ELMO1: variants seen among roughly 807,000 people sequenced by gnomAD.
ELMO1 encodes engulfment and cell motility protein 1.
Under a neutral mutation model 98.9 loss-of-function variants are expected in ELMO1, and 26 were observed. That is an observed-to-expected ratio of 0.26 (90% CI 0.19 to 0.36). The LOEUF is 0.36. ELMO1 is among the 10% of genes least tolerant of loss of function. The probability of loss-of-function intolerance (pLI) is 1.00; values close to 1 mark genes in which losing one functional copy is unlikely to be tolerated. For missense variants in ELMO1, 627 were observed against 935.2 expected, an observed-to-expected ratio of 0.67 and a Z score of 4.30; for synonymous variants, 346 against 346.0, an observed-to-expected ratio of 1.00 and a Z score of 0.00.
intron 16 of ELMO1, among the ~76,000 whole-genome samples, chr7:36,952,223 C>A (rs147656787): frequency 6.0e-4 from 91 of 152,282 alleles, no homozygotes; most frequent in Non-Finnish European, 9.0e-4. Context: ...TCCAGAGGAT[C>A]CAGGCAGATT....
intron 16 of ELMO1, among the ~76,000 whole-genome samples, chr7:36,949,613 T>A (rs1218348088): frequency 6.6e-6 from 1 of 152,126 alleles, no homozygotes; most frequent in East Asian, 1.9e-4. Context: ...CATTACAGAA[T>A]GTTTAGCAGC....
chr7:37,430,553 A>AC (rs1804890204), intron 1 of ELMO1, among the ~76,000 whole-genome samples: 1 of 152,226 alleles, frequency 6.6e-6, no homozygotes, highest in Non-Finnish European at 1.5e-5. Flanking sequence ...GCAAACTTGA[A>AC]ATTTAAGTCT....
At chr7:37,401,488 C>G (rs11765499) in intron 1 of ELMO1, among the ~76,000 whole-genome samples, 1 of 152,006 alleles carries the variant, frequency 6.6e-6, no homozygotes, top group Non-Finnish European at 1.5e-5. Flanking sequence ...ACTGCTATAA[C>G]GACATACCCA....
chr7:37,394,879 C>A (rs990410716), intron 1 of ELMO1, among the ~76,000 whole-genome samples: 1 of 152,150 alleles, frequency 6.6e-6, no homozygotes, highest in African/African-American at 2.4e-5. Flanking sequence ...GAGACCCCAG[C>A]AAATTTTCAT....
At chr7:37,167,638 C>A (rs1789814367) in intron 13 of ELMO1, among the ~76,000 whole-genome samples, 1 of 151,936 alleles carries the variant, frequency 6.6e-6, no homozygotes, top group East Asian at 1.9e-4. Flanking sequence ...GTTGAAAATT[C>A]TTTTCTTTAA....
intron 18 of ELMO1, among the ~76,000 whole-genome samples, chr7:36,886,923 G>C (rs1350819923): frequency 3.3e-5 from 5 of 152,208 alleles, no homozygotes; most frequent in African/African-American, 1.2e-4. Context: ...AAATAACTCT[G>C]TCCTAGAAGA....
chr7:37,240,299 C>T (rs914417266), intron 7 of ELMO1, among the ~76,000 whole-genome samples: 1 of 151,984 alleles, frequency 6.6e-6, no homozygotes, highest in Non-Finnish European at 1.5e-5. Flanking sequence ...TTGGCCTCCC[C>T]AAGTGCTAAA....
At chr7:36,969,088 T>C (rs1238165947) in intron 16 of ELMO1, among the ~76,000 whole-genome samples, 1 of 152,132 alleles carries the variant, frequency 6.6e-6, no homozygotes, top group Non-Finnish European at 1.5e-5. Context: ...GCATGGATAC[T>C]GAAAAATAAG....
intron 13 of ELMO1, among the ~76,000 whole-genome samples, chr7:37,157,669 G>A (rs1395132913): frequency 1.3e-5 from 2 of 152,012 alleles, no homozygotes; most frequent in Admixed American, 6.6e-5. Flanking sequence ...GGACAGAAAT[G>A]GAAGAACATT....
chr7:36,896,722 C>T (rs1191146817), intron 16 of ELMO1, among the ~76,000 whole-genome samples: 1 of 151,632 alleles, frequency 6.6e-6, no homozygotes, highest in Non-Finnish European at 1.5e-5. Context: ...ATTTGGGATG[C>T]TTGACAAATT....
rs550839922 is a variant in ELMO1 at position 37,444,689 on chromosome 7, T to C, written c.-74+3986A>G. Among the ~76,000 whole-genome samples, 47 of 152,202 alleles carry C rather than the reference T, an allele frequency of 3.1e-4. 1 individual carries two copies. The South Asian group carries it at 9.1e-3, about 30-fold the overall frequency. On this transcript the variant is annotated intron_variant, in intron 1 of 21. Coordinates refer to ENST00000310758, the MANE Select transcript of ELMO1 (RefSeq NM_014800.11). Reference sequence around the variant, plus strand: ...TACCACGCCCGGCTAATTTTTTTTGTATTTTCAATAGAGACGGGGTTTCAC... The same window carrying C: ...TACCACGCCCGGCTAATTTTTTTTGCATTTTCAATAGAGACGGGGTTTCAC...
chr7:37,037,031 G>A (rs1000418763), intron 15 of ELMO1, among the ~76,000 whole-genome samples: 5 of 152,170 alleles, frequency 3.3e-5, no homozygotes, highest in African/African-American at 9.7e-5. Flanking sequence ...GAGAAATAAT[G>A]AGAAGGAAAG....
intron 10 of ELMO1, among the ~76,000 whole-genome samples, chr7:37,221,909 G>A (rs1793619125): frequency 6.6e-6 from 1 of 152,104 alleles, no homozygotes; most frequent in Non-Finnish European, 1.5e-5. Context: ...TATTGACAAG[G>A]CTAGTCTCAG....
At chr7:37,378,318 C>T (rs1026248831) in intron 1 of ELMO1, among the ~76,000 whole-genome samples, 4 of 152,126 alleles carry the variant, frequency 2.6e-5, no homozygotes, top group Admixed American at 6.5e-5. Flanking sequence ...TAAAGCTCCC[C>T]GTTCTCTCTC....
intron 16 of ELMO1, among the ~76,000 whole-genome samples, chr7:37,007,184 T>TG (rs1295049311): frequency 1.3e-5 from 2 of 152,150 alleles, no homozygotes; most frequent in Non-Finnish European, 2.9e-5. Context: ...AGAAGCCTTT[T>TG]GAAAAAAAAT....
chr7:37,446,193 G>T (rs544566104), intron 1 of ELMO1, among the ~76,000 whole-genome samples: 79 of 152,324 alleles, frequency 5.2e-4, no homozygotes, highest in Non-Finnish European at 1.0e-3. Flanking sequence ...CTCTCATTTA[G>T]TCAGTCAACA....
intron 2 of ELMO1, among the ~76,000 whole-genome samples, chr7:37,337,368 GCC>G (rs1244608256): frequency 1.3e-5 from 2 of 152,024 alleles, no homozygotes; most frequent in African/African-American, 4.8e-5. Flanking sequence ...ACACACCGGG[GCC>G]TCTTGTGGGG....
intron 1 of ELMO1, among the ~76,000 whole-genome samples, chr7:37,378,063 T>C (rs1404698455): frequency 6.6e-6 from 1 of 152,166 alleles, no homozygotes; most frequent in East Asian, 1.9e-4. Flanking sequence ...CCCAAGGCAA[T>C]TCCCAAAGAT....
intron 9 of ELMO1, 89 bp downstream of exon 9, chr7:37,224,790 A>T: frequency 6.5e-7 from 1 of 1,534,296 alleles, no homozygotes; most frequent in Non-Finnish European, 8.8e-7. Context: ...ATTTAACCAA[A>T]CTATAACAAC....
Sources: allele counts gnomAD v4.1 joint callset (sites outside exome capture counted in the v4.1 genomes callset), GRCh38; gene constraint gnomAD v4.1.1; transcripts MANE v1.5; gene names NCBI Gene and HGNC (gene_info 2026-07-23, HGNC 2026-07-21).